ITGA11: variants seen among roughly 807,000 people sequenced by gnomAD.
The protein encoded by ITGA11 is integrin subunit alpha 11.
In ITGA11, 97 loss-of-function variants were observed where a neutral mutation model predicts 141.9. The observed-to-expected ratio is 0.68, with a 90% CI of 0.58 to 0.81. The LOEUF (loss-of-function observed/expected upper bound fraction) is 0.81. Ranked by LOEUF, ITGA11 falls within the 30% of genes least tolerant of loss-of-function variation. The pLI, the probability that ITGA11 is intolerant of heterozygous loss-of-function variation, is 0.00. For synonymous variants in ITGA11, 658 were observed against 624.6 expected, an observed-to-expected ratio of 1.05 and a Z score of -0.80; for missense variants, 1,387 against 1,559.2, an observed-to-expected ratio of 0.89 and a Z score of 1.86.
intron 18 of ITGA11, among the ~76,000 whole-genome samples, chr15:68,323,235 C>T (rs75685703): frequency 7.2e-4 from 110 of 152,196 alleles, no homozygotes; most frequent in Middle Eastern, 3.4e-3. Context: ...ACCGTGGAGC[C>T]GTTTGGGAAA....
In ITGA11 at chr15:68,432,084, C is replaced by T. The variant is rs1595905439; in HGVS notation, c.-18G>A. ...AGGTCCATGGCCCGCGGCACGGCGG[C>T]TGGGTCCGGTGTGCAGCGGCGGCGG... On this transcript the variant is annotated 5_prime_UTR_variant, in exon 1 of 30. Coordinates refer to ENST00000315757, the MANE Select transcript of ITGA11 (RefSeq NM_001004439.2). The T allele has an allele frequency of 7.3e-7, 1 of 1,367,394 alleles. No individual in the cohort carries two copies. The highest frequency in any genetic ancestry group is 2.0e-5 in the South Asian group (1 of 49,588). The allele number at this position is 1,367,394 out of a possible 1,614,324, so 84.7% of individuals were successfully genotyped here. A position where few individuals can be genotyped will look rare whatever the true frequency, so the allele number is the denominator to read the frequency against.
At chr15:68,372,192 T>G (rs1227517809) in intron 2 of ITGA11, among the ~76,000 whole-genome samples, 1 of 152,176 alleles carries the variant, frequency 6.6e-6, no homozygotes, top group African/African-American at 2.4e-5. Flanking sequence ...AGTCTGGGCA[T>G]TACGTGTGCC....
At chr15:68,314,908 T>C (rs1893518902) in intron 22 of ITGA11, among the ~76,000 whole-genome samples, 1 of 152,156 alleles carries the variant, frequency 6.6e-6, no homozygotes, top group Admixed American at 6.5e-5. Flanking sequence ...TAGCTAAGGA[T>C]TTTTGCCATT....
In ITGA11 at chr15:68,364,742, T is replaced by G. The variant is rs1227502936; in HGVS notation, c.322A>C (p.Ser108Arg). Reference sequence around the variant, plus strand: ...TTGTCCTTGGGGTTGGTGGCGAGACTAAGGCCGAGGCGCATGTTGTCTTTC... The same window carrying G: ...TTGTCCTTGGGGTTGGTGGCGAGACGAAGGCCGAGGCGCATGTTGTCTTTC... ...ERKDNMRLGLSLATNPKDNSF... is the reference protein window; with the variant it reads ...ERKDNMRLGLRLATNPKDNSF... The change falls in exon 4 of 30, where the codon AGT (serine) becomes CGT (arginine). Residue 108 changes from serine to arginine, a missense_variant. Ser to Arg is a moderately radical substitution (Grantham distance 110, BLOSUM62 -1). Transcript: ENST00000315757. 1.2e-6 allele frequency: 2 copies of G among 1,604,442 alleles called. No homozygotes were observed.
chr15:68,432,091 C>T lies in ITGA11; in HGVS notation c.-25G>A. ...TGGCCCGCGGCACGGCGGCTGGGTC[C>T]GGTGTGCAGCGGCGGCGGGGGGCGG... On this transcript the variant is annotated 5_prime_UTR_variant, in exon 1 of 30. Transcript: ENST00000315757. 4 of 1,360,020 alleles carry T rather than the reference C, an allele frequency of 2.9e-6. No individual in the cohort carries two copies. The highest frequency in any genetic ancestry group is 3.8e-6 in the Non-Finnish European group (4 of 1,058,946). The allele number at this position is 1,360,020 out of a possible 1,614,324, so 84.2% of individuals were successfully genotyped here.
intron 2 of ITGA11, among the ~76,000 whole-genome samples, chr15:68,382,926 T>C (rs8028747): frequency 0.81 from 123,515 of 152,186 alleles, 50,415 homozygotes; most frequent in East Asian, 1. Flanking sequence ...AGTTTTGTGG[T>C]TGCTTGGAAG....
intron 7 of ITGA11, among the ~76,000 whole-genome samples, chr15:68,355,780 A>G (rs1423255608): frequency 6.6e-6 from 1 of 151,014 alleles, no homozygotes; most frequent in African/African-American, 2.5e-5. Flanking sequence ...TTTTTTTTTA[A>G]AAAACACGTC....
At chr15:68,361,531 C>T in intron 5 of ITGA11, 59 bp downstream of exon 5, 1 of 1,150,540 alleles carries the variant, frequency 8.7e-7, no homozygotes, top group Non-Finnish European at 1.3e-6. Flanking sequence ...TGCTCAGGGC[C>T]CAAGTCTCTC....
chr15:68,387,912 G>T (rs1896025335), intron 2 of ITGA11, among the ~76,000 whole-genome samples: 1 of 151,956 alleles, frequency 6.6e-6, no homozygotes, highest in Non-Finnish European at 1.5e-5. Flanking sequence ...TGGACGTTCT[G>T]CAGTCTGTCG....
In ITGA11 at chr15:68,319,455, G is replaced by A. The variant is rs148617425; in HGVS notation, c.2616+730C>T. On this transcript the variant is annotated intron_variant, in intron 20 of 29. Transcript: ENST00000315757. ...AGAGGAGTCCCAGGTGGGGGCCATG[G>A]TGGGAACCAGCAGGGCGTGCTGGGA... is the stretch of plus-strand genomic sequence containing the variant. Among the ~76,000 whole-genome samples the A allele has an allele frequency of 2.9e-3, 441 of 152,384 alleles. 4 individuals carry two copies. Among genetic ancestry groups the A allele is most frequent in the African/African-American group, 0.01 (425 of 41,590 alleles).
At chr15:68,372,250 G>A (rs1253474747) in intron 2 of ITGA11, among the ~76,000 whole-genome samples, 1 of 152,196 alleles carries the variant, frequency 6.6e-6, no homozygotes, top group East Asian at 1.9e-4. Context: ...AGTTTGAGAG[G>A]ATAACTGCCG....
In ITGA11 at chr15:68,369,171, C is replaced by A; in HGVS notation, c.265+13G>T. 2 of 1,599,934 alleles carry A rather than the reference C, an allele frequency of 1.3e-6. No individual in the cohort carries two copies. Among genetic ancestry groups the A allele is most frequent in the Non-Finnish European group, 8.6e-7 (1 of 1,167,146 alleles). On this transcript the variant is annotated intron_variant, in intron 3 of 29. Coordinates refer to ENST00000315757, the MANE Select transcript of ITGA11 (RefSeq NM_001004439.2). ...GCTGGCCTCATTGTGAAGAGACCAC[C>A]AGCCCACGTTACCCAGGTTGAGTTT... is the stretch of plus-strand genomic sequence containing the variant.
chr15:68,387,668 G>T (rs1011090003), intron 2 of ITGA11, among the ~76,000 whole-genome samples: 1 of 151,986 alleles, frequency 6.6e-6, no homozygotes, highest in Non-Finnish European at 1.5e-5. Flanking sequence ...ACATCCGCTG[G>T]GCTCCAATCC....
chr15:68,327,388 A>G (rs1002500538), intron 16 of ITGA11, among the ~76,000 whole-genome samples: 1 of 152,180 alleles, frequency 6.6e-6, no homozygotes, highest in Non-Finnish European at 1.5e-5. Flanking sequence ...GCTGGCTCTC[A>G]TATCTGTCTC....
chr15:68,399,171 C>T (rs1896402571), intron 2 of ITGA11, among the ~76,000 whole-genome samples: 1 of 151,984 alleles, frequency 6.6e-6, no homozygotes, highest in African/African-American at 2.4e-5. Context: ...AGGACATGAA[C>T]AGACACTTCT....
Position 68,312,744 on chromosome 15 carries a change from C to G in ITGA11, c.2973+29G>C, listed in dbSNP as rs373017058. ...GGGGGTGCTCAGATCCCGTCCTTCC[C>G]CCTCTACCCGGCTCCCCTCCAGCCT... On this transcript the variant is annotated intron_variant, in intron 24 of 29. Transcript: ENST00000315757. The G allele has an allele frequency of 2.2e-5, 34 of 1,544,176 alleles. 1 individual carries two copies. The African/African-American group carries it at 3.8e-4, about 17-fold the overall frequency.
intron 25 of ITGA11, 23 bp from the exon 26 acceptor site, chr15:68,311,103 C>T: frequency 2.6e-6 from 4 of 1,549,134 alleles, no homozygotes; most frequent in Non-Finnish European, 3.5e-6. Flanking sequence ...CATGGACACA[C>T]ACACACATAC....
At chr15:68,412,603 C>T (rs1417768233) in intron 1 of ITGA11, among the ~76,000 whole-genome samples, 1 of 149,344 alleles carries the variant, frequency 6.7e-6, no homozygotes, top group Non-Finnish European at 1.5e-5. Flanking sequence ...CCCCGTTAGA[C>T]AAGCTACCAT....
rs980648457 is a variant in ITGA11, at chr15:68,303,514, T to G, written c.3495+258A>C. ...TGTGGGAGAAATTTTGTGCAGTTGT[T>G]TGTACTTGCTTTTTTTTTTTTTCTC... On this transcript the variant is annotated intron_variant, in intron 29 of 29. Transcript: ENST00000315757. This position sits in a 1 kb window ranked among gnomAD's most constrained non-coding sequence, Gnocchi z 5.3. 6.6e-6 allele frequency among the ~76,000 whole-genome samples: 1 copy of G among 152,054 alleles called. No individual in the cohort carries two copies. Among genetic ancestry groups the G allele is most frequent in the African/African-American group, 2.4e-5 (1 of 41,396 alleles).
Sources: allele counts gnomAD v4.1 joint callset (sites outside exome capture counted in the v4.1 genomes callset), GRCh38; gene constraint gnomAD v4.1.1; non-coding constraint Gnocchi (gnomAD v3.1); transcripts MANE v1.5; gene names NCBI Gene and HGNC (gene_info 2026-07-23, HGNC 2026-07-21).